PTBP3: variants seen among roughly 807,000 people sequenced by gnomAD.
The protein encoded by PTBP3 is polypyrimidine tract-binding protein 3.
A neutral mutation model predicts 58.7 loss-of-function variants in PTBP3; 20 were observed. The observed-to-expected ratio is 0.34, with a 90% CI of 0.24 to 0.50. The LOEUF is 0.50. PTBP3 is among the 20% of genes least tolerant of loss of function. The pLI, the probability that PTBP3 is intolerant of heterozygous loss-of-function variation, is 0.98. For missense variants in PTBP3, 509 were observed against 637.2 expected (o/e 0.80, Z 2.17); for synonymous variants, 185 against 219.8 (o/e 0.84, Z 1.40).
intron 2 of PTBP3, among the ~76,000 whole-genome samples, chr9:112,290,738 A>ACACACACAC (rs1564438731): frequency 4.0e-5 from 6 of 148,428 alleles, no homozygotes; most frequent in East Asian, 2.0e-4. Flanking sequence ...ACACACACAC[A>ACACACACAC]ATCAAGTGTT....
rs765070036 is a variant in PTBP3 at position 112,232,061 on chromosome 9, C to T, written c.1020+38G>A. 4.1e-5 allele frequency: 59 copies of T among 1,454,668 alleles called. No individual in the cohort carries two copies. In the South Asian group the frequency reaches 5.7e-4, roughly 14 times the overall value. The allele number at this position is 1,454,668 out of a possible 1,614,324, so 90.1% of individuals were successfully genotyped here. ...AGAAAAAAGTGCTACTATACCTTCTCCTGAAAGACTATTTACATATAATAC... is the reference window on the plus strand; with the variant it reads ...AGAAAAAAGTGCTACTATACCTTCTTCTGAAAGACTATTTACATATAATAC... On this transcript the variant is annotated intron_variant, in intron 9 of 13. Transcript: ENST00000374257.
the PTBP3 span, among the ~76,000 whole-genome samples, chr9:112,375,128 A>G: frequency 2.0e-5 from 3 of 152,120 alleles, no homozygotes; most frequent in African/African-American, 4.8e-5. Context: ...AGAACGAGTC[A>G]TCCTATCCAC....
the PTBP3 span, among the ~76,000 whole-genome samples, chr9:112,359,532 G>A: frequency 6.6e-6 from 1 of 151,848 alleles, no homozygotes; most frequent in Non-Finnish European, 1.5e-5. Context: ...GGCTGGGCAC[G>A]GTGGCTCACA....
chr9:112,379,783 G>C, the PTBP3 span, among the ~76,000 whole-genome samples: 2 of 152,364 alleles, frequency 1.3e-5, no homozygotes, highest in East Asian at 1.9e-4. Flanking sequence ...ACAGCGGCGC[G>C]AGGAGAAACC....
the PTBP3 span, among the ~76,000 whole-genome samples, chr9:112,360,988 T>C: frequency 6.6e-5 from 10 of 152,348 alleles, no homozygotes; most frequent in East Asian, 1.9e-3. Flanking sequence ...TTGTTGTCAG[T>C]GTCATATCCT....
chr9:112,287,341 G>GT (rs59039980), intron 2 of PTBP3, among the ~76,000 whole-genome samples: 22 of 127,184 alleles, frequency 1.7e-4, no homozygotes, highest in Admixed American at 2.7e-4. Flanking sequence ...TCAGTTTTTT[G>GT]TTTTTTTTTT....
chr9:112,244,111 C>T (rs1835771602), intron 7 of PTBP3, among the ~76,000 whole-genome samples: 1 of 151,378 alleles, frequency 6.6e-6, no homozygotes, highest in Non-Finnish European at 1.5e-5. Flanking sequence ...ACCATCCTAG[C>T]TAAGACGATG....
chr9:112,318,990 G>C (rs544128968), intron 1 of PTBP3, among the ~76,000 whole-genome samples: 13 of 151,860 alleles, frequency 8.6e-5, no homozygotes, highest in African/African-American at 2.9e-4. Context: ...AGCTGGGTGT[G>C]GTGACACATG....
At chr9:112,302,485 T>C (rs1301757644) in intron 1 of PTBP3, among the ~76,000 whole-genome samples, 3 of 151,742 alleles carry the variant, frequency 2.0e-5, no homozygotes, top group African/African-American at 7.3e-5. Context: ...TTAGAGACAC[T>C]TGAGATTACC....
chr9:112,261,126 C>G (rs892549223), intron 5 of PTBP3, among the ~76,000 whole-genome samples: 1 of 152,194 alleles, frequency 6.6e-6, no homozygotes, highest in African/African-American at 2.4e-5. Flanking sequence ...CCGGGATAAA[C>G]AGAAGAGAAG....
chr9:112,299,146 CA>C (rs1162478455), intron 1 of PTBP3, among the ~76,000 whole-genome samples: 10 of 152,108 alleles, frequency 6.6e-5, no homozygotes, highest in Admixed American at 2.6e-4. Flanking sequence ...AAAACATACA[CA>C]ACATGATTTT....
At chr9:112,354,064 C>T in the PTBP3 span, among the ~76,000 whole-genome samples, 2 of 152,156 alleles carry the variant, frequency 1.3e-5, no homozygotes, top group African/African-American at 2.4e-5. Context: ...AGGAACCATA[C>T]ATTTTATTTT....
At chr9:112,228,534 T>G in intron 10 of PTBP3, 62 bp from the exon 11 acceptor site, 2 of 1,165,386 alleles carry the variant, frequency 1.7e-6, no homozygotes, top group South Asian at 3.2e-5. Context: ...TAATTAATTT[T>G]ACTAATATAC....
At chr9:112,360,310 A>G in the PTBP3 span, among the ~76,000 whole-genome samples, 1 of 152,140 alleles carries the variant, frequency 6.6e-6, no homozygotes. Context: ...CAGCCTTCTA[A>G]GGACCTGGGA....
At position 112,242,920 on chromosome 9, in the gene PTBP3, C is replaced by T. The variant is rs192316770; in HGVS notation, c.802+8009G>A. The T allele has an allele frequency of 4.6e-5, 7 of 152,240 alleles. No homozygotes were observed. In the East Asian group the frequency reaches 1.4e-3, roughly 29 times the overall value. The allele number at this position is 152,240 out of a possible 1,614,324, so 9.4% of individuals were successfully genotyped here. On this transcript the variant is annotated intron_variant, in intron 7 of 13. Transcript: ENST00000374257. ...GATAATGGTTAATACTTTTTATCCC[C>T]AATACCAATATCCACTTATACAAAA...
intron 2 of PTBP3, among the ~76,000 whole-genome samples, chr9:112,292,427 T>C (rs1457645887): frequency 6.6e-6 from 1 of 152,122 alleles, no homozygotes; most frequent in Non-Finnish European, 1.5e-5. Flanking sequence ...TCACTTCTGG[T>C]ATATACCAAA....
intron 12 of PTBP3, among the ~76,000 whole-genome samples, chr9:112,225,498 A>C (rs984278433): frequency 6.6e-6 from 1 of 152,238 alleles, no homozygotes; most frequent in South Asian, 2.1e-4. Flanking sequence ...TGACGGTCGC[A>C]CAATAATGTG....
intron 5 of PTBP3, among the ~76,000 whole-genome samples, chr9:112,255,969 A>G (rs1234989768): frequency 6.6e-6 from 1 of 152,100 alleles, no homozygotes; most frequent in South Asian, 2.1e-4. Context: ...ATAAATATTT[A>G]TCAGCTGGGC....
At chr9:112,312,750 T>C (rs1433381943) in intron 1 of PTBP3, among the ~76,000 whole-genome samples, 1 of 151,698 alleles carries the variant, frequency 6.6e-6, no homozygotes, top group Non-Finnish European at 1.5e-5. Flanking sequence ...AAAAATAAAC[T>C]GTTAAAAAGC....
Sources: gnomAD v4.1 joint callset for allele counts (sites outside exome capture counted in the v4.1 genomes callset) on GRCh38, gnomAD v4.1.1 for gene constraint, MANE v1.5 for transcripts, NCBI Gene and HGNC (gene_info 2026-07-23, HGNC 2026-07-21) for gene names.